Variants in FARP2 observed in about 807,000 individuals in gnomAD.
FARP2 encodes FERM, ARHGEF and pleckstrin domain-containing protein 2.
A neutral mutation model predicts 130.5 loss-of-function variants in FARP2; 111 were observed. That is an observed-to-expected ratio of 0.85 (90% CI 0.73 to 1.00). The LOEUF (loss-of-function observed/expected upper bound fraction) is 1.00, where lower values mean the gene tolerates loss of function less well. Ranked by LOEUF, FARP2 falls within the 50% of genes least tolerant of loss-of-function variation. The pLI, the probability that FARP2 is intolerant of heterozygous loss-of-function variation, is 0.00. For missense variants in FARP2, 1,385 were observed against 1,346.3 expected (o/e 1.03, Z -0.45); for synonymous variants, 504 against 516.9 (o/e 0.98, Z 0.34).
Position 241,407,522 on chromosome 2 carries a change from A to T in FARP2, c.332-15A>T, listed in dbSNP as rs1553715523. ...GATCGGCCTTATTTGTGAAGTTTAAATTTTTTTGTTATAGGGCCAAAGAAT... is the reference window on the plus strand; with the variant it reads ...GATCGGCCTTATTTGTGAAGTTTAATTTTTTTTGTTATAGGGCCAAAGAAT... On this transcript the variant is annotated splice_polypyrimidine_tract_variant and intron_variant, in intron 4 of 26. Transcript: ENST00000264042. 1.9e-6 allele frequency: 3 copies of T among 1,608,900 alleles called. No individual in the cohort carries two copies. The highest frequency in any genetic ancestry group is 2.2e-5 in the East Asian group (1 of 44,840).
At chr2:241,477,753 T>A (rs896289309) in intron 19 of FARP2, among the ~76,000 whole-genome samples, 55 of 152,240 alleles carry the variant, frequency 3.6e-4, no homozygotes, top group African/African-American at 1.3e-3. Flanking sequence ...CTAGCCATTT[T>A]AGTGAGTGTG....
At chr2:241,470,671 C>T (rs1378208945) in intron 18 of FARP2, among the ~76,000 whole-genome samples, 6 of 150,938 alleles carry the variant, frequency 4.0e-5, no homozygotes, top group African/African-American at 1.5e-4. Context: ...GGAGATACTG[C>T]TCTCAGGGGG....
At position 241,441,573 on chromosome 2, in the gene FARP2, T is replaced by A. The variant is rs1374774497; in HGVS notation, c.1411+17T>A. ...CTGGTCCAGGTGTCGGGTTTTGTCA[T>A]GTCGTGAGCAGCTGTGGTTCTGTCT... On this transcript the variant is annotated intron_variant, in intron 13 of 26. Coordinates refer to ENST00000264042, the MANE Select transcript of FARP2 (RefSeq NM_014808.4). The A allele has an allele frequency of 1.9e-6, 3 of 1,613,782 alleles. No homozygotes were observed. The African/African-American group carries it at 4.0e-5, about 22-fold the overall frequency.
chr2:241,398,371 A>C (rs961960385), intron 2 of FARP2, among the ~76,000 whole-genome samples: 2 of 152,140 alleles, frequency 1.3e-5, no homozygotes, highest in East Asian at 3.8e-4. Flanking sequence ...AAGTATGTAT[A>C]TATTTATCAG....
intron 23 of FARP2, 130 bp from the exon 24 acceptor site, chr2:241,491,386 C>T (rs1177398117): frequency 3.8e-6 from 4 of 1,054,380 alleles, no homozygotes; most frequent in Non-Finnish European, 5.5e-6. Flanking sequence ...TTGCTCTCAG[C>T]CAGCAGCTGG....
intron 18 of FARP2, among the ~76,000 whole-genome samples, chr2:241,474,237 C>T (rs7598016): frequency 1.5e-5 from 2 of 130,226 alleles, no homozygotes; most frequent in African/African-American, 2.9e-5. Flanking sequence ...ACCCGGGAGG[C>T]GGAGCTGAGC....
intron 8 of FARP2, among the ~76,000 whole-genome samples, chr2:241,421,127 C>G (rs552919122): frequency 1.3e-5 from 2 of 152,260 alleles, no homozygotes; most frequent in South Asian, 4.1e-4. Flanking sequence ...ACTGTGCAAC[C>G]TCACCCAGGA....
intron 19 of FARP2, chr2:241,478,860 A>G: frequency 2.6e-6 from 1 of 386,284 alleles, no homozygotes; most frequent in East Asian, 6.1e-5. Flanking sequence ...GGCTCTTCTT[A>G]CAACTATGGG....
chr2:241,437,016 A>T (rs2063247846), intron 12 of FARP2, among the ~76,000 whole-genome samples: 2 of 152,172 alleles, frequency 1.3e-5, no homozygotes, highest in Non-Finnish European at 2.9e-5. Context: ...GTATGTTGAG[A>T]TGTGCATCAT....
At chr2:241,472,080 G>A (rs1452880295) in intron 18 of FARP2, among the ~76,000 whole-genome samples, 2 of 151,468 alleles carry the variant, frequency 1.3e-5, no homozygotes, top group South Asian at 2.1e-4. Flanking sequence ...AGGGGATCCT[G>A]TTCTGGGGGG....
intron 2 of FARP2, among the ~76,000 whole-genome samples, chr2:241,403,143 T>A (rs2062237753): frequency 6.6e-6 from 1 of 151,578 alleles, no homozygotes; most frequent in South Asian, 2.1e-4. Context: ...TAATTTCCGA[T>A]TGACCAAATA....
At chr2:241,493,474 C>T in intron 26 of FARP2, 30 bp downstream of exon 26, 1 of 1,608,594 alleles carries the variant, frequency 6.2e-7, no homozygotes, top group Non-Finnish European at 8.5e-7. Context: ...CCCTGGTCAG[C>T]TGCCCATTTC....
chr2:241,449,593 A>C (rs979511131), intron 13 of FARP2, among the ~76,000 whole-genome samples: 4 of 152,224 alleles, frequency 2.6e-5, no homozygotes, highest in Non-Finnish European at 5.9e-5. Context: ...TGAAGGGAAA[A>C]GTGAAGGTAA....
intron 1 of FARP2, among the ~76,000 whole-genome samples, chr2:241,366,125 A>ATATATATATACATATATATATACG (rs1553705676): frequency 0.18 from 11,794 of 66,944 alleles, 1,493 homozygotes; most frequent in Middle Eastern, 0.25. Context: ...ATATATACGT[A>ATATATATATACATATATATATACG]TATATATATA....
At chr2:241,417,589 C>T (rs911996715) in intron 7 of FARP2, among the ~76,000 whole-genome samples, 1 of 152,110 alleles carries the variant, frequency 6.6e-6, no homozygotes, top group Non-Finnish European at 1.5e-5. Context: ...TCCCAAGGTG[C>T]TGGGATTACA....
intron 19 of FARP2, among the ~76,000 whole-genome samples, chr2:241,476,765 T>C (rs2064479582): frequency 6.6e-6 from 1 of 152,102 alleles, no homozygotes; most frequent in Non-Finnish European, 1.5e-5. Context: ...ACAAAAAATA[T>C]ATAATTGAGT....
intron 2 of FARP2, among the ~76,000 whole-genome samples, 184 bp from the exon 3 acceptor site, chr2:241,403,644 G>T (rs1241886966): frequency 6.6e-6 from 1 of 151,912 alleles, no homozygotes; most frequent in Non-Finnish European, 1.5e-5. Context: ...TATTTATTTT[G>T]TTGCCAGTTT....
chr2:241,491,230 C>CT (rs1180368949), intron 23 of FARP2, 51 bp downstream of exon 23: 6 of 1,337,438 alleles, frequency 4.5e-6, no homozygotes, highest in Non-Finnish European at 4.3e-6. Flanking sequence ...CCTAAGGAGG[C>CT]TTTTTTTGGA....
chr2:241,359,440 C>T (rs980258208), intron 1 of FARP2, among the ~76,000 whole-genome samples: 7 of 152,200 alleles, frequency 4.6e-5, no homozygotes, highest in African/African-American at 1.7e-4. Context: ...AACCAGTTGG[C>T]CCACTAGAGC....
Sources: gnomAD v4.1 joint callset for allele counts (sites outside exome capture counted in the v4.1 genomes callset) on GRCh38, gnomAD v4.1.1 for gene constraint, MANE v1.5 for transcripts, NCBI Gene and HGNC (gene_info 2026-07-23, HGNC 2026-07-21) for gene names.